Variants in PGCKA1 observed in about 807,000 individuals in gnomAD.
PGCKA1 encodes PDCD10 and GCKIII kinases associated 1.
chr4:37,569,310 G>C, the PGCKA1 span, among the ~76,000 whole-genome samples: 1 of 151,940 alleles, frequency 6.6e-6, no homozygotes, highest in Non-Finnish European at 1.5e-5. Flanking sequence ...CAATTCTCCT[G>C]CCTCAGCCTC....
the PGCKA1 span, among the ~76,000 whole-genome samples, chr4:37,570,575 TATTC>T: frequency 1.3e-5 from 2 of 152,212 alleles, no homozygotes; most frequent in African/African-American, 4.8e-5. Flanking sequence ...TAGTTATTTT[TATTC>T]ATTCTTCTTG....
chr4:37,507,394 T>C, the PGCKA1 span, among the ~76,000 whole-genome samples: 1 of 152,126 alleles, frequency 6.6e-6, no homozygotes, highest in African/African-American at 2.4e-5. Context: ...GTGAAGCTGA[T>C]TTTCTCAGGT....
chr4:37,591,139 T>C, the PGCKA1 span: 1 of 684,666 alleles, frequency 1.5e-6, no homozygotes, highest in Non-Finnish European at 2.4e-6. Flanking sequence ...GCATCTGTTC[T>C]GATTGTCAGC....
chr4:37,509,747 G>A, the PGCKA1 span, among the ~76,000 whole-genome samples: 1 of 151,472 alleles, frequency 6.6e-6, no homozygotes, highest in African/African-American at 2.4e-5. Context: ...GATCACTCGT[G>A]GTTAGGAGCT....
the PGCKA1 span, among the ~76,000 whole-genome samples, chr4:37,584,946 C>T: frequency 6.6e-6 from 1 of 150,534 alleles, no homozygotes; most frequent in Non-Finnish European, 1.5e-5. Flanking sequence ...TTATTACAAT[C>T]CAGTCTGCCT....
chr4:37,539,003 C>T, the PGCKA1 span, among the ~76,000 whole-genome samples: 12 of 152,108 alleles, frequency 7.9e-5, no homozygotes, highest in Non-Finnish European at 1.3e-4. Flanking sequence ...CAATGATAAT[C>T]TATGCATACC....
At chr4:37,520,771 C>G in the PGCKA1 span, among the ~76,000 whole-genome samples, 30,192 of 151,932 alleles carry the variant, frequency 0.2, 3,644 homozygotes, top group African/African-American at 0.33. Flanking sequence ...GCACCCACCA[C>G]CATGCCTGGC....
chr4:37,541,346 A>G, the PGCKA1 span, among the ~76,000 whole-genome samples: 2 of 152,196 alleles, frequency 1.3e-5, no homozygotes, highest in African/African-American at 2.4e-5. Flanking sequence ...TGGCATGTCC[A>G]GGCTTTCAGT....
At chr4:37,524,380 T>C in the PGCKA1 span, among the ~76,000 whole-genome samples, 9,619 of 115,472 alleles carry the variant, frequency 0.083, 1,071 homozygotes, top group African/African-American at 0.27. Flanking sequence ...GGAGGCTTGA[T>C]TGGGGCTGAG....
the PGCKA1 span, among the ~76,000 whole-genome samples, chr4:37,464,607 C>T: frequency 6.6e-6 from 1 of 152,140 alleles, no homozygotes; most frequent in African/African-American, 2.4e-5. Flanking sequence ...GGGAGGGGCT[C>T]AAACTACACA....
the PGCKA1 span, among the ~76,000 whole-genome samples, chr4:37,549,824 C>G: frequency 6.6e-6 from 1 of 151,992 alleles, no homozygotes; most frequent in African/African-American, 2.4e-5. Flanking sequence ...CCAACCCCTG[C>G]AAAGTGACTC....
chr4:37,561,384 G>T, the PGCKA1 span, among the ~76,000 whole-genome samples: 2 of 152,234 alleles, frequency 1.3e-5, no homozygotes, highest in African/African-American at 2.4e-5. Context: ...ACTGTAAGTT[G>T]TGCTAAGAAT....
chr4:37,459,805 T>A, the PGCKA1 span, among the ~76,000 whole-genome samples: 2 of 150,684 alleles, frequency 1.3e-5, no homozygotes, highest in East Asian at 2.0e-4. Flanking sequence ...CTTTCTTTTT[T>A]TTTTTTTTTT....
the PGCKA1 span, among the ~76,000 whole-genome samples, chr4:37,578,932 C>T: frequency 1.2e-3 from 190 of 152,196 alleles, 1 homozygote; most frequent in Non-Finnish European, 2.5e-3. Flanking sequence ...GTGGTGCACA[C>T]CTGTAATCCC....
At chr4:37,548,413 G>T in the PGCKA1 span, among the ~76,000 whole-genome samples, 1 of 152,108 alleles carries the variant, frequency 6.6e-6, no homozygotes, top group Non-Finnish European at 1.5e-5. Context: ...AGAAAATTCT[G>T]TGTATAAACA....
the PGCKA1 span, among the ~76,000 whole-genome samples, chr4:37,574,007 G>A: frequency 6.6e-6 from 1 of 151,908 alleles, no homozygotes; most frequent in Non-Finnish European, 1.5e-5. Flanking sequence ...GGCCAAGATG[G>A]TGAAACCCCA....
chr4:37,541,811 A>C, the PGCKA1 span, among the ~76,000 whole-genome samples: 1 of 152,142 alleles, frequency 6.6e-6, no homozygotes, highest in East Asian at 1.9e-4. Flanking sequence ...GAAGGCACCA[A>C]GTTCAAGAGG....
At chr4:37,544,740 G>T in the PGCKA1 span, among the ~76,000 whole-genome samples, 2 of 148,674 alleles carry the variant, frequency 1.3e-5, no homozygotes, top group Non-Finnish European at 2.9e-5. Flanking sequence ...TGGGGTTTGG[G>T]TTGGGGGTTG....
the PGCKA1 span, among the ~76,000 whole-genome samples, chr4:37,564,294 AG>A: frequency 0.034 from 4,964 of 147,762 alleles, 285 homozygotes; most frequent in East Asian, 0.12. Flanking sequence ...AAAAAAAGAA[AG>A]AAAAAAAACC....
Sources: allele counts gnomAD v4.1 joint callset (sites outside exome capture counted in the v4.1 genomes callset), GRCh38; gene constraint gnomAD v4.1.1; transcripts MANE v1.5; gene names NCBI Gene and HGNC (gene_info 2026-07-23, HGNC 2026-07-21).